ZNF670: variants seen among roughly 807,000 people sequenced by gnomAD.
The protein encoded by ZNF670 is zinc finger protein 670.
In ZNF670, 7 loss-of-function variants were observed where a neutral mutation model predicts 10.9. That is an observed-to-expected ratio of 0.64 (90% CI 0.36 to 1.20). The LOEUF is 1.20. Among genes scored for constraint, ZNF670 ranks in the 50% most tolerant of loss-of-function variants. The probability of loss-of-function intolerance (pLI) is 0.02; values close to 1 mark genes in which losing one functional copy is unlikely to be tolerated. For missense variants in ZNF670, 446 were observed against 458.6 expected (o/e 0.97, Z 0.25); for synonymous variants, 136 against 152.7 (o/e 0.89, Z 0.81).
Position 247,052,065 on chromosome 1 carries a change from T to A in ZNF670, c.4-12528A>T, listed in dbSNP as rs1670611061. Among the ~76,000 whole-genome samples the A allele has an allele frequency of 3.3e-5, 5 of 152,010 alleles. No homozygotes were observed. In the South Asian group the frequency reaches 1.0e-3, roughly 32 times the overall value. On this transcript the variant is annotated intron_variant, in intron 1 of 3. Coordinates refer to ENST00000366503, the MANE Select transcript of ZNF670 (RefSeq NM_033213.5). ...GGTGCCTCCACGAGTAGCTTAATAA[T>A]CAACCTTTTAAATTCTTTTCCTGGC... is the stretch of plus-strand genomic sequence containing the variant.
intron 1 of ZNF670, among the ~76,000 whole-genome samples, chr1:247,073,358 G>A (rs1158551876): frequency 2.0e-5 from 3 of 152,106 alleles, no homozygotes; most frequent in Admixed American, 6.5e-5. Flanking sequence ...CACTCTCAAG[G>A]TGGAGATACA....
rs755162955 is a variant in ZNF670, at chr1:247,037,428, GTGTTT to G, written c.*16_*20del. The G allele has an allele frequency of 1.2e-5, 19 of 1,567,152 alleles. No individual in the cohort carries two copies. Among genetic ancestry groups the G allele is most frequent in the Non-Finnish European group, 1.5e-5 (17 of 1,160,002 alleles). ...TAACACACTTCTTACATTGACAGAGGTGTTTTGTTGTTGTTGTTTTTTACCACATA... is the reference window on the plus strand; with the variant it reads ...TAACACACTTCTTACATTGACAGAGGTGTTGTTGTTGTTTTTTACCACATA... On this transcript the variant is annotated 3_prime_UTR_variant, in exon 4 of 4. Transcript: ENST00000366503.
intron 1 of ZNF670, among the ~76,000 whole-genome samples, chr1:247,070,471 AAAACAAAC>A (rs368795756): frequency 1.1e-4 from 16 of 152,140 alleles, no homozygotes; most frequent in African/African-American, 3.6e-4. Flanking sequence ...ACTCCGTCTC[AAAACAAAC>A]AAACAAACAA....
At chr1:247,052,277 G>C (rs148889534) in intron 1 of ZNF670, among the ~76,000 whole-genome samples, 243 of 152,306 alleles carry the variant, frequency 1.6e-3, no homozygotes, top group African/African-American at 5.7e-3. Flanking sequence ...CTGTCTCACA[G>C]GGTGATGCCT....
At chr1:247,043,000 C>T in intron 1 of ZNF670, 1 of 768,902 alleles carries the variant, frequency 1.3e-6, no homozygotes, top group Non-Finnish European at 2.3e-6. Context: ...AAAGGAGATG[C>T]AGAAAGTGAA....
chr1:247,074,112 T>A (rs992720429), intron 1 of ZNF670, among the ~76,000 whole-genome samples: 1 of 152,246 alleles, frequency 6.6e-6, no homozygotes, highest in African/African-American at 2.4e-5. Context: ...CTTCTCATTA[T>A]GACTTAGATG....
At chr1:247,062,918 G>A (rs1354626149) in intron 1 of ZNF670, among the ~76,000 whole-genome samples, 1 of 152,128 alleles carries the variant, frequency 6.6e-6, no homozygotes, top group Non-Finnish European at 1.5e-5. Flanking sequence ...GGGCATCTTG[G>A]GTTATGCCAG....
intron 1 of ZNF670, among the ~76,000 whole-genome samples, chr1:247,067,435 C>CCAA (rs1487488030): frequency 0.014 from 1,091 of 77,214 alleles, 7 homozygotes; most frequent in Middle Eastern, 0.064. Flanking sequence ...GATCCCGTCT[C>CCAA]AAAAAAAAAA....
At chr1:247,038,663 A>G (rs2103051123) in intron 3 of ZNF670, 147 bp downstream of exon 3, 1 of 715,116 alleles carries the variant, frequency 1.4e-6, no homozygotes, top group African/African-American at 1.8e-5. Flanking sequence ...ATTGAACATC[A>G]ATGTTACATT....
intron 1 of ZNF670, among the ~76,000 whole-genome samples, chr1:247,073,852 C>T (rs919689357): frequency 1.3e-5 from 2 of 152,168 alleles, no homozygotes; most frequent in African/African-American, 4.8e-5. Flanking sequence ...CCCATCACCC[C>T]TTCCTCAGGT....
At chr1:247,043,786 C>G (rs1391111293) in intron 1 of ZNF670, 1 of 374,222 alleles carries the variant, frequency 2.7e-6, no homozygotes, top group Non-Finnish European at 5.2e-6. Flanking sequence ...TTTGCAGAAA[C>G]TGGATCGGTT....
At chr1:247,063,898 G>C (rs750041562) in intron 1 of ZNF670, among the ~76,000 whole-genome samples, 4 of 152,218 alleles carry the variant, frequency 2.6e-5, no homozygotes, top group Non-Finnish European at 5.9e-5. Flanking sequence ...GAGCAAATTT[G>C]CTGGAGCAGT....
intron 1 of ZNF670, among the ~76,000 whole-genome samples, chr1:247,059,706 C>G (rs1209847149): frequency 1.3e-5 from 2 of 152,116 alleles, no homozygotes; most frequent in African/African-American, 4.8e-5. Context: ...ATAAATAAAA[C>G]TGCCTTTCTG....
rs369722060 is a variant in ZNF670 at position 247,043,388 on chromosome 1, G to A, written c.4-3851C>T. 155 of 538,998 alleles carry A rather than the reference G, an allele frequency of 2.9e-4. 8 individuals carry two copies. The highest frequency in any genetic ancestry group is 2.7e-3 in the East Asian group (57 of 21,342). The allele number at this position is 538,998 out of a possible 1,614,324, so 33.4% of individuals were successfully genotyped here. A position where few individuals can be genotyped will look rare whatever the true frequency, so the allele number is the denominator to read the frequency against. On this transcript the variant is annotated intron_variant, in intron 1 of 3. Transcript: ENST00000366503. ...TAAAGCATGGTCAAGATGTTAAAAA[G>A]AAAGTTCACCTAACTGAAAAAATTC... is the stretch of plus-strand genomic sequence containing the variant.
At chr1:247,077,363 A>T (rs1671278041) in intron 1 of ZNF670, among the ~76,000 whole-genome samples, 1 of 152,202 alleles carries the variant, frequency 6.6e-6, no homozygotes, top group African/African-American at 2.4e-5. Context: ...TCTGGCTGCT[A>T]AACAGAGGAC....
chr1:247,037,232 C>T lies in ZNF670; in HGVS notation c.*217G>A. 2.1e-6 allele frequency: 1 copy of T among 474,516 alleles called. No homozygotes were observed. The highest frequency in any genetic ancestry group is 3.8e-5 in the Admixed American group (1 of 26,136). The allele number at this position is 474,516 out of a possible 1,614,324, so 29.4% of individuals were successfully genotyped here. A position where few individuals can be genotyped will look rare whatever the true frequency, so the allele number is the denominator to read the frequency against. On this transcript the variant is annotated 3_prime_UTR_variant, in exon 4 of 4. Coordinates refer to ENST00000366503, the MANE Select transcript of ZNF670 (RefSeq NM_033213.5). ...GCTGGGAAAATAAAGTGTTCTAACA[C>T]ATTTTTCGTATTTTATGACGTTCTT...
chr1:247,044,227 G>A (rs1460778631), intron 1 of ZNF670, among the ~76,000 whole-genome samples: 1 of 151,864 alleles, frequency 6.6e-6, no homozygotes, highest in Non-Finnish European at 1.5e-5. Context: ...CACGGAAGGA[G>A]CAATAAAAGG....
chr1:247,077,874 G>A (rs1375579368), intron 1 of ZNF670, among the ~76,000 whole-genome samples: 1 of 152,134 alleles, frequency 6.6e-6, no homozygotes, highest in Non-Finnish European at 1.5e-5. Context: ...CCGAGTCCAA[G>A]ACTCCATCAT....
At chr1:247,049,429 C>G (rs571049052) in intron 1 of ZNF670, among the ~76,000 whole-genome samples, 8 of 152,132 alleles carry the variant, frequency 5.3e-5, no homozygotes, top group Non-Finnish European at 7.3e-5. Context: ...GTTAATCTCA[C>G]TAATGGTATA....
Sources: gnomAD v4.1 joint callset for allele counts (sites outside exome capture counted in the v4.1 genomes callset) on GRCh38, gnomAD v4.1.1 for gene constraint, MANE v1.5 for transcripts, NCBI Gene and HGNC (gene_info 2026-07-23, HGNC 2026-07-21) for gene names.